CRYBG1: variants seen among roughly 807,000 people sequenced by gnomAD.
CRYBG1 encodes the protein crystallin beta-gamma domain containing 1.
Under a neutral mutation model 189.2 loss-of-function variants are expected in CRYBG1, and 139 were observed. That is an observed-to-expected ratio of 0.73 (90% CI 0.64 to 0.85). The LOEUF (loss-of-function observed/expected upper bound fraction) is 0.85. Ranked by LOEUF, CRYBG1 falls within the 40% of genes least tolerant of loss-of-function variation. CRYBG1 has a pLI of 0.00. For missense variants in CRYBG1, 2,611 were observed against 2,675.8 expected, an observed-to-expected ratio of 0.98 and a Z score of 0.53; for synonymous variants, 1,023 against 1,017.1, an observed-to-expected ratio of 1.01 and a Z score of -0.11.
chr6:106,395,812 T>A (rs1770593101), intron 1 of CRYBG1, among the ~76,000 whole-genome samples: 1 of 151,120 alleles, frequency 6.6e-6, no homozygotes. Flanking sequence ...TATATATATA[T>A]AGATTTGGGG....
At chr6:106,539,316 C>A in intron 8 of CRYBG1, 87 bp from the exon 9 acceptor site, 1 of 1,489,366 alleles carries the variant, frequency 6.7e-7, no homozygotes, top group Non-Finnish European at 9.2e-7. Flanking sequence ...CTGTTCTTTT[C>A]CTCTCATCCT....
chr6:106,420,481 T>G (rs753114639), intron 1 of CRYBG1, among the ~76,000 whole-genome samples: 44 of 152,340 alleles, frequency 2.9e-4, no homozygotes, highest in Admixed American at 7.2e-4. Context: ...AATGAAGCCA[T>G]GACACAAGGT....
At chr6:106,406,134 A>C (rs1770818147) in intron 1 of CRYBG1, among the ~76,000 whole-genome samples, 1 of 152,180 alleles carries the variant, frequency 6.6e-6, no homozygotes, top group Admixed American at 6.5e-5. Flanking sequence ...ACCTTGAAAA[A>C]AGGTTAGAGG....
chr6:106,396,034 G>A (rs1770601710), intron 1 of CRYBG1, among the ~76,000 whole-genome samples: 1 of 151,992 alleles, frequency 6.6e-6, no homozygotes, highest in Non-Finnish European at 1.5e-5. Flanking sequence ...ATGATCCCAG[G>A]GCTATGTCTC....
At chr6:106,420,108 A>G (rs1210404792) in intron 1 of CRYBG1, among the ~76,000 whole-genome samples, 4 of 152,214 alleles carry the variant, frequency 2.6e-5, no homozygotes, top group African/African-American at 9.6e-5. Flanking sequence ...TATCACTCCA[A>G]GTATTGAAGT....
At chr6:106,423,703 T>C (rs1771174434) in intron 1 of CRYBG1, among the ~76,000 whole-genome samples, 2 of 131,272 alleles carry the variant, frequency 1.5e-5, no homozygotes, top group African/African-American at 6.2e-5. Flanking sequence ...CCCTTTTTTT[T>C]TTTTTTTTTT....
At chr6:106,440,243 CCTCTCTCTCT>C (rs34075891) in intron 1 of CRYBG1, among the ~76,000 whole-genome samples, 4 of 147,582 alleles carry the variant, frequency 2.7e-5, no homozygotes, top group South Asian at 2.2e-4. Context: ...TTCCTTTCTT[CCTCTCTCTCT>C]CTCTCTCTCT....
chr6:106,418,921 A>G (rs1469845364), intron 1 of CRYBG1, among the ~76,000 whole-genome samples: 1 of 152,234 alleles, frequency 6.6e-6, no homozygotes, highest in Non-Finnish European at 1.5e-5. Flanking sequence ...TTGAGGAGGC[A>G]GTGTCTGATT....
chr6:106,392,162 G>C (rs1257596647), intron 1 of CRYBG1, among the ~76,000 whole-genome samples: 1 of 152,052 alleles, frequency 6.6e-6, no homozygotes, highest in Non-Finnish European at 1.5e-5. Context: ...AGTTACAATG[G>C]GGGATGGGAG....
intron 1 of CRYBG1, among the ~76,000 whole-genome samples, chr6:106,390,509 T>C (rs1433425701): frequency 2.0e-5 from 3 of 152,126 alleles, no homozygotes; most frequent in Non-Finnish European, 2.9e-5. Context: ...AATTTTTACA[T>C]TTGTGTATAT....
At chr6:106,558,418 T>C (rs1582839267) in intron 17 of CRYBG1, 68 bp from the exon 18 acceptor site, 17 of 1,342,510 alleles carry the variant, frequency 1.3e-5, no homozygotes, top group Non-Finnish European at 1.7e-5. Context: ...TGTAACAAGA[T>C]GATTTTCACA....
chr6:106,514,032 A>G (rs1028917680), intron 3 of CRYBG1, among the ~76,000 whole-genome samples: 7 of 152,234 alleles, frequency 4.6e-5, no homozygotes, highest in Non-Finnish European at 7.3e-5. Flanking sequence ...AAATAACAAT[A>G]CAAGATGATA....
chr6:106,521,461 G>A lies in CRYBG1; in HGVS notation c.4245+8G>A, dbSNP rs779611046. 7 of 1,554,406 alleles carry A rather than the reference G, an allele frequency of 4.5e-6. No individual in the cohort carries two copies. The highest frequency in any genetic ancestry group is 6.1e-6 in the Non-Finnish European group (7 of 1,154,198). ...TCATTATCAGACACAATGGTAAGTA[G>A]CAATGTGTTATTATTTATTTGGGGT... On this transcript the variant is annotated splice_region_variant and intron_variant, in intron 4 of 21. Transcript: ENST00000633556.
At chr6:106,490,896 TC>T in intron 2 of CRYBG1, among the ~76,000 whole-genome samples, 1 of 59,898 alleles carries the variant, frequency 1.7e-5, no homozygotes, top group South Asian at 3.8e-4. Flanking sequence ...AACTTGTACT[TC>T]AAAAAAATGT....
At chr6:106,464,541 A>T (rs1772075065) in intron 2 of CRYBG1, among the ~76,000 whole-genome samples, 1 of 151,936 alleles carries the variant, frequency 6.6e-6, no homozygotes, top group African/African-American at 2.4e-5. Context: ...ATGGAATAAG[A>T]TCCCTAAATA....
At chr6:106,453,999 T>A (rs1771834845) in intron 2 of CRYBG1, among the ~76,000 whole-genome samples, 2 of 152,146 alleles carry the variant, frequency 1.3e-5, no homozygotes, top group Admixed American at 1.3e-4. Context: ...GTCACTGGAA[T>A]GGGGTCAGCC....
chr6:106,570,041 C>G lies in CRYBG1; in HGVS notation c.*1475C>G, dbSNP rs1775013133. The G allele has an allele frequency of 6.6e-6, 1 of 152,218 alleles. No individual in the cohort carries two copies. The highest frequency in any genetic ancestry group is 1.5e-5 in the Non-Finnish European group (1 of 68,044). 9.4% of individuals were successfully genotyped at this position (152,218 alleles called of 1,614,324 possible). On this transcript the variant is annotated 3_prime_UTR_variant, in exon 22 of 22. Coordinates refer to ENST00000633556, the MANE Select transcript of CRYBG1 (RefSeq NM_001371242.2). ...AAACTGCTTAACAACTGACAAGACA[C>G]CAGCCCATACGCTGCTCTTCCAACA...
At chr6:106,397,250 T>C (rs113408532) in intron 1 of CRYBG1, among the ~76,000 whole-genome samples, 3,063 of 152,330 alleles carry the variant, frequency 0.02, 108 homozygotes, top group African/African-American at 0.069. Flanking sequence ...CACATAGTTA[T>C]CTTTTTTGGT....
chr6:106,363,495 A>G (rs575415365), intron 1 of CRYBG1, among the ~76,000 whole-genome samples: 1 of 152,218 alleles, frequency 6.6e-6, no homozygotes, highest in Admixed American at 6.6e-5. Flanking sequence ...AGAGAGTGGC[A>G]AAAGCACCCT....
Sources: allele counts gnomAD v4.1 joint callset (sites outside exome capture counted in the v4.1 genomes callset), GRCh38; gene constraint gnomAD v4.1.1; transcripts MANE v1.5; gene names NCBI Gene and HGNC (gene_info 2026-07-23, HGNC 2026-07-21).